The following TADA1 variants were observed in gnomAD, a reference collection of about 807,000 sequenced individuals.
The protein encoded by TADA1 is transcriptional adaptor 1, also known as transcriptional adapter 1.
A neutral mutation model predicts 39.3 loss-of-function variants in TADA1; 23 were observed. That is an observed-to-expected ratio of 0.58 (90% CI 0.42 to 0.83). TADA1 has a LOEUF of 0.83. TADA1 is among the 40% of genes least tolerant of loss of function. TADA1 has a pLI of 0.00. For missense variants in TADA1, 352 were observed against 408.1 expected (o/e 0.86, Z 1.18); for synonymous variants, 137 against 151.8 (o/e 0.90, Z 0.72).
At chr1:166,862,770 T>G (rs1658445184) in intron 4 of TADA1, 1 of 264,554 alleles carries the variant, frequency 3.8e-6, no homozygotes, top group Non-Finnish European at 7.3e-6. Context: ...TAACCGTAAG[T>G]AGGTTCTAAA....
intron 1 of TADA1, among the ~76,000 whole-genome samples, chr1:166,870,152 C>T (rs961769785): frequency 1.3e-5 from 2 of 152,164 alleles, no homozygotes; most frequent in Non-Finnish European, 2.9e-5. Context: ...TGTGTCCCCC[C>T]ACAAAAGTCC....
chr1:166,856,589 A>G lies in TADA1; in HGVS notation c.*978T>C, dbSNP rs1263206898. Reference sequence around the variant, plus strand: ...ATCCAGATATGTGAACCATATATACATATCTATACAACCATTATTTAGACT... The same window carrying G: ...ATCCAGATATGTGAACCATATATACGTATCTATACAACCATTATTTAGACT... On this transcript the variant is annotated 3_prime_UTR_variant, in exon 8 of 8. Transcript: ENST00000367874. 6.6e-6 allele frequency: 1 copy of G among 152,636 alleles called. No homozygotes were observed. Among genetic ancestry groups the G allele is most frequent in the African/African-American group, 2.4e-5 (1 of 41,456 alleles). 9.5% of individuals were successfully genotyped at this position (152,636 alleles called of 1,614,324 possible). A position where few individuals can be genotyped will look rare whatever the true frequency, so the allele number is the denominator to read the frequency against.
At chr1:166,876,075 C>G in intron 1 of TADA1, 85 bp downstream of exon 1, 4 of 1,342,352 alleles carry the variant, frequency 3.0e-6, no homozygotes, top group East Asian at 2.8e-5. Flanking sequence ...CCGGGCGACG[C>G]GGGCGTCTCC....
intron 1 of TADA1, among the ~76,000 whole-genome samples, chr1:166,873,593 G>A (rs192189761): frequency 3.7e-4 from 57 of 152,212 alleles, no homozygotes; most frequent in Admixed American, 2.2e-3. Context: ...AGAAATGACT[G>A]TACAGTACAA....
intron 1 of TADA1, among the ~76,000 whole-genome samples, chr1:166,875,117 T>C (rs1276301875): frequency 6.6e-6 from 1 of 152,246 alleles, no homozygotes; most frequent in Non-Finnish European, 1.5e-5. Context: ...CACTGAGTAA[T>C]GCAAATGTGT....
intron 1 of TADA1, among the ~76,000 whole-genome samples, 178 bp downstream of exon 1, chr1:166,875,982 G>A (rs1461426137): frequency 6.6e-6 from 1 of 152,180 alleles, no homozygotes; most frequent in Non-Finnish European, 1.5e-5. Context: ...TCTCTCCAGG[G>A]CGGTGAGTTC....
At chr1:166,874,853 T>A (rs1289189095) in intron 1 of TADA1, among the ~76,000 whole-genome samples, 1 of 152,192 alleles carries the variant, frequency 6.6e-6, no homozygotes, top group Non-Finnish European at 1.5e-5. Context: ...TATGCTAAAA[T>A]AACAGTTTAG....
chr1:166,858,453 A>G (rs535351671), intron 6 of TADA1, among the ~76,000 whole-genome samples, 172 bp from the exon 7 acceptor site: 1 of 152,372 alleles, frequency 6.6e-6, no homozygotes, highest in East Asian at 1.9e-4. Flanking sequence ...AAGGCTGGAA[A>G]TAAAACATAA....
rs548181421 is a variant in TADA1, at chr1:166,860,360, A to C, written c.541-23T>G. 36 of 1,575,456 alleles carry C rather than the reference A, an allele frequency of 2.3e-5. 2 individuals are homozygous for C. In the South Asian group the frequency reaches 4.0e-4, roughly 17 times the overall value. ...ATTCTGTAAACATACAAAAAGAAAA[A>C]TAGCATGATATCCTCTTTAAAAGCA... On this transcript the variant is annotated intron_variant, in intron 5 of 7. Transcript: ENST00000367874.
At chr1:166,865,740 A>T (rs1386236743) in intron 3 of TADA1, among the ~76,000 whole-genome samples, 5 of 151,916 alleles carry the variant, frequency 3.3e-5, no homozygotes, top group Non-Finnish European at 4.4e-5. Flanking sequence ...AATGGCGTGA[A>T]CCTGGGAGGC....
intron 6 of TADA1, 94 bp from the exon 7 acceptor site, chr1:166,858,375 T>A: frequency 3.1e-6 from 3 of 952,620 alleles, no homozygotes; most frequent in Non-Finnish European, 4.5e-6. Flanking sequence ...AAAAAATCTT[T>A]AATTGAATTA....
chr1:166,864,647 G>A (rs1346589806), intron 3 of TADA1, among the ~76,000 whole-genome samples: 2 of 152,096 alleles, frequency 1.3e-5, no homozygotes, highest in Non-Finnish European at 2.9e-5. Flanking sequence ...CAAAGTGCTG[G>A]GCCTCGTGTT....
chr1:166,870,269 T>A (rs1042157117), intron 1 of TADA1, among the ~76,000 whole-genome samples: 2 of 152,200 alleles, frequency 1.3e-5, no homozygotes, highest in African/African-American at 4.8e-5. Flanking sequence ...TAATCCAGTA[T>A]GATTGGTGTC....
intron 1 of TADA1, among the ~76,000 whole-genome samples, chr1:166,873,099 C>T (rs940612520): frequency 2.1e-5 from 3 of 142,768 alleles, no homozygotes; most frequent in African/African-American, 9.2e-5. Context: ...GGCGAAACCC[C>T]GTCTCTACTA....
chr1:166,865,900 A>G (rs571187752), intron 3 of TADA1, among the ~76,000 whole-genome samples: 17 of 151,542 alleles, frequency 1.1e-4, no homozygotes, highest in African/African-American at 4.1e-4. Flanking sequence ...TACAATTTTG[A>G]TATTTTTGGA....
chr1:166,867,561 G>A (rs1658564479), intron 3 of TADA1, among the ~76,000 whole-genome samples: 1 of 151,712 alleles, frequency 6.6e-6, no homozygotes, highest in African/African-American at 2.4e-5. Flanking sequence ...GTCAAAGAAC[G>A]AGGTGTTAGG....
At chr1:166,870,584 T>G (rs1211177915) in intron 1 of TADA1, among the ~76,000 whole-genome samples, 2 of 152,160 alleles carry the variant, frequency 1.3e-5, no homozygotes, top group Non-Finnish European at 2.9e-5. Context: ...TCCCAGCACT[T>G]TGGGAGGTCA....
rs942620978 is a variant in TADA1, at chr1:166,875,705, C to T, written c.74+455G>A. ...CTGTCAAAAGAGCTTACCAATAATC[C>T]GTAGCAGATCACACCAGCTCAACAG... On this transcript the variant is annotated intron_variant, in intron 1 of 7. Coordinates refer to ENST00000367874, the MANE Select transcript of TADA1 (RefSeq NM_053053.4). Among the ~76,000 whole-genome samples the T allele has an allele frequency of 3.3e-5, 5 of 152,382 alleles. No homozygotes were observed. In the South Asian group the frequency reaches 6.2e-4, roughly 19 times the overall value.
At chr1:166,872,229 G>A (rs1194963370) in intron 1 of TADA1, among the ~76,000 whole-genome samples, 1 of 152,230 alleles carries the variant, frequency 6.6e-6, no homozygotes, top group Non-Finnish European at 1.5e-5. Flanking sequence ...GGTTATGGGA[G>A]AGGATTCCTC....
Sources: allele counts gnomAD v4.1 joint callset (sites outside exome capture counted in the v4.1 genomes callset), GRCh38; gene constraint gnomAD v4.1.1; transcripts MANE v1.5; gene names NCBI Gene and HGNC (gene_info 2026-07-23, HGNC 2026-07-21).